The following SHANK2 variants were observed in gnomAD, a reference collection of about 807,000 sequenced individuals.
SHANK2 encodes SH3 and multiple ankyrin repeat domains protein 2.
A neutral mutation model predicts 133.7 loss-of-function variants in SHANK2; 43 were observed. That is an observed-to-expected ratio of 0.32 (90% CI 0.25 to 0.41). SHANK2 has a LOEUF of 0.41. SHANK2 is among the 10% of genes least tolerant of loss of function. The pLI, the probability that SHANK2 is intolerant of heterozygous loss-of-function variation, is 1.00. For missense variants in SHANK2, 1,994 were observed against 2,235.8 expected (o/e 0.89, Z 2.18); for synonymous variants, 1,017 against 952.8 (o/e 1.07, Z -1.24).
At chr11:71,107,183 C>T (rs1192952921) in intron 6 of SHANK2, among the ~76,000 whole-genome samples, 1 of 152,130 alleles carries the variant, frequency 6.6e-6, no homozygotes, top group African/African-American at 2.4e-5. Flanking sequence ...ACAATAAACC[C>T]CCAACCTCTA....
intron 21 of SHANK2, among the ~76,000 whole-genome samples, chr11:70,494,579 C>T (rs1182676727): frequency 1.3e-5 from 2 of 152,166 alleles, no homozygotes; most frequent in Non-Finnish European, 2.9e-5. Context: ...CAGGTGTGAG[C>T]CACCACACCC....
intron 14 of SHANK2, among the ~76,000 whole-genome samples, chr11:70,703,836 T>C (rs541604785): frequency 2.8e-4 from 43 of 152,340 alleles, no homozygotes; most frequent in Non-Finnish European, 5.3e-4. Flanking sequence ...ACATCCTCCC[T>C]GTCTTCTGTG....
chr11:71,109,807 G>T, intron 6 of SHANK2, 134 bp downstream of exon 6: 1 of 680,922 alleles, frequency 1.5e-6, no homozygotes, highest in Non-Finnish European at 2.6e-6. Context: ...AGGAGAGTGA[G>T]AATGCACCTT....
Position 70,487,811 on chromosome 11 carries a change from TCA to T in SHANK2, c.2573-93_2573-92del. 6.5e-7 allele frequency: 1 copy of T among 1,547,068 alleles called. No homozygotes were observed. The highest frequency in any genetic ancestry group is 8.7e-7 in the Non-Finnish European group (1 of 1,145,880). ...TGCGATACGCTACATCTCCACAAAC[TCA>T]CAAATTCAGATGATGAACCGGATGT... On this transcript the variant is annotated intron_variant, in intron 24 of 25. Coordinates refer to ENST00000601538, the MANE Select transcript of SHANK2 (RefSeq NM_012309.5). The surrounding 1 kb of genome is among the most constrained non-coding windows in gnomAD (Gnocchi z 5.8).
intron 14 of SHANK2, among the ~76,000 whole-genome samples, chr11:70,768,918 G>T (rs540815641): frequency 8.5e-5 from 13 of 152,244 alleles, no homozygotes; most frequent in African/African-American, 3.1e-4. Flanking sequence ...CCACTCCAGG[G>T]GGGTGGGGAA....
chr11:71,080,876 C>T (rs1207578219), intron 8 of SHANK2, among the ~76,000 whole-genome samples: 3 of 152,188 alleles, frequency 2.0e-5, no homozygotes, highest in Non-Finnish European at 2.9e-5. Flanking sequence ...GAGGCCAATG[C>T]ACCTGAATGA....
At chr11:70,753,794 A>G (rs1323106728) in intron 14 of SHANK2, among the ~76,000 whole-genome samples, 11 of 72,720 alleles carry the variant, frequency 1.5e-4, no homozygotes, top group Non-Finnish European at 3.1e-4. Context: ...ATTGTCTTAC[A>G]TCTATTAAAG....
In SHANK2 at chr11:70,659,887, C is replaced by T; in HGVS notation, c.2002G>A (p.Val668Met). 4.3e-6 allele frequency: 7 copies of T among 1,614,202 alleles called. No homozygotes were observed. The highest frequency in any genetic ancestry group is 5.9e-6 in the Non-Finnish European group (7 of 1,180,032). ...TGCCACGCCACCCCACCTTCATCCA[C>T]GGACTCCAGGTACTGTAGGGCTGGG... Reference protein sequence around the residue: ...AFPALQYLESVDEGGVAWQAG... With the variant: ...AFPALQYLESMDEGGVAWQAG... Residue 668 changes from valine to methionine, a missense_variant, in exon 17 of 26, where the codon GTG (valine) becomes ATG (methionine). By Grantham distance (21) the Val-to-Met change is conservative. This residue lies in a region of SHANK2 where 488 missense variants were observed against 642.6 expected (regional missense o/e 0.76). Transcript: ENST00000601538.
chr11:70,629,306 C>T (rs2060947284), intron 17 of SHANK2, among the ~76,000 whole-genome samples: 1 of 152,146 alleles, frequency 6.6e-6, no homozygotes, highest in Non-Finnish European at 1.5e-5. Context: ...AGAGGGGCAG[C>T]GAGCCAGACT....
intron 17 of SHANK2, among the ~76,000 whole-genome samples, chr11:70,629,893 C>A (rs1323835924): frequency 6.6e-6 from 1 of 152,170 alleles, no homozygotes; most frequent in African/African-American, 2.4e-5. Flanking sequence ...CTATGAGGAC[C>A]CTAATATTGT....
At chr11:70,766,520 A>G (rs1947127098) in intron 14 of SHANK2, among the ~76,000 whole-genome samples, 2 of 152,126 alleles carry the variant, frequency 1.3e-5, no homozygotes, top group Admixed American at 6.5e-5. Flanking sequence ...ATCTTATTTG[A>G]TGCTTTCGAA....
At chr11:71,235,202 C>T (rs868975449) in intron 1 of SHANK2, among the ~76,000 whole-genome samples, 1 of 152,162 alleles carries the variant, frequency 6.6e-6, no homozygotes, top group Non-Finnish European at 1.5e-5. Flanking sequence ...CAGTCTCAGA[C>T]TGGGACTGGT....
At position 70,805,271 on chromosome 11, in the gene SHANK2, A is replaced by C. The variant is rs370621193; in HGVS notation, c.1663+1731T>G. On this transcript the variant is annotated intron_variant, in intron 13 of 25. Coordinates refer to ENST00000601538, the MANE Select transcript of SHANK2 (RefSeq NM_012309.5). Reference sequence around the variant, plus strand: ...GAGCCCCAGGCTTCTCCTCTTTACAATAGGGACAGGCCTGGACAAGAAGAC... The same window carrying C: ...GAGCCCCAGGCTTCTCCTCTTTACACTAGGGACAGGCCTGGACAAGAAGAC... Among the ~76,000 whole-genome samples, 18 of 152,264 alleles carry C rather than the reference A, an allele frequency of 1.2e-4. No homozygotes were observed. The East Asian group carries it at 3.5e-3, about 29-fold the overall frequency.
chr11:71,187,767 T>C (rs551132473), intron 2 of SHANK2, among the ~76,000 whole-genome samples: 10 of 152,318 alleles, frequency 6.6e-5, no homozygotes, highest in East Asian at 5.8e-4. Flanking sequence ...TCCTCTAAGA[T>C]GTTTGTACTG....
chr11:71,074,099 G>T (rs1010324442), intron 9 of SHANK2, among the ~76,000 whole-genome samples: 5 of 152,116 alleles, frequency 3.3e-5, no homozygotes, highest in Admixed American at 6.5e-5. Context: ...GCTTTCCTGG[G>T]GCTCTGTTTC....
chr11:70,510,396 C>T (rs1228253502), intron 17 of SHANK2, among the ~76,000 whole-genome samples: 5 of 152,322 alleles, frequency 3.3e-5, no homozygotes, highest in East Asian at 3.9e-4. Context: ...ACAGCCCTCC[C>T]GCGCTCATGC....
chr11:71,212,362 A>C (rs1326491974), intron 2 of SHANK2, among the ~76,000 whole-genome samples: 3 of 152,240 alleles, frequency 2.0e-5, no homozygotes, highest in African/African-American at 7.2e-5. Flanking sequence ...TAAAATCTGC[A>C]ATTTAAATAA....
At chr11:71,183,691 C>T (rs1041629196) in intron 2 of SHANK2, among the ~76,000 whole-genome samples, 5 of 152,144 alleles carry the variant, frequency 3.3e-5, no homozygotes, top group African/African-American at 9.7e-5. Flanking sequence ...TGGCTCCATC[C>T]CCAAGAAACC....
At chr11:70,866,633 G>C (rs1473333937) in intron 11 of SHANK2, among the ~76,000 whole-genome samples, 1 of 152,114 alleles carries the variant, frequency 6.6e-6, no homozygotes, top group African/African-American at 2.4e-5. Context: ...AAGGAGTAAG[G>C]ATAAAATCTA....
Sources: gnomAD v4.1 joint callset for allele counts (sites outside exome capture counted in the v4.1 genomes callset) on GRCh38, gnomAD v4.1.1 for gene constraint, gnomAD v4.1.1 regional missense constraint, Gnocchi (gnomAD v3.1) non-coding constraint, MANE v1.5 for transcripts, NCBI Gene and HGNC (gene_info 2026-07-23, HGNC 2026-07-21) for gene names.